Variants in CELF2 observed in about 807,000 individuals in gnomAD.
CELF2 encodes CUGBP Elav-like family member 2.
CELF2 carries 8 observed loss-of-function variants against 62.6 expected under a neutral mutation model. The ratio of observed to expected loss-of-function variants is 0.13; its 90% CI spans 0.07 to 0.23. The LOEUF (loss-of-function observed/expected upper bound fraction) is 0.23, where lower values mean the gene tolerates loss of function less well. Among genes scored for constraint, CELF2 ranks in the 10% least tolerant of loss-of-function variants. The pLI, the probability that CELF2 is intolerant of heterozygous loss-of-function variation, is 1.00. For synonymous variants in CELF2, 258 were observed against 250.0 expected, an observed-to-expected ratio of 1.03 and a Z score of -0.30; for missense variants, 333 against 671.0, an observed-to-expected ratio of 0.50 and a Z score of 5.56.
chr10:10,673,230 CCAAA>C, the CELF2 span, among the ~76,000 whole-genome samples: 1 of 152,036 alleles, frequency 6.6e-6, no homozygotes, highest in Admixed American at 6.6e-5. Flanking sequence ...CATGTAATGT[CCAAA>C]CAAATTTGTT....
At chr10:11,111,080 G>C (rs928102763) in intron 1 of CELF2, among the ~76,000 whole-genome samples, 1 of 152,140 alleles carries the variant, frequency 6.6e-6, no homozygotes, top group Admixed American at 6.5e-5. Flanking sequence ...TCTGAAGTGG[G>C]AGCTGTCATT....
At chr10:10,662,016 A>C in the CELF2 span, among the ~76,000 whole-genome samples, 2 of 152,038 alleles carry the variant, frequency 1.3e-5, no homozygotes, top group Non-Finnish European at 2.9e-5. Context: ...CTCTGGGATG[A>C]GGAGGCTCCT....
the CELF2 span, among the ~76,000 whole-genome samples, chr10:10,492,488 G>C: frequency 1.3e-5 from 2 of 152,032 alleles, no homozygotes; most frequent in African/African-American, 2.4e-5. Context: ...AGCTGCACTT[G>C]GAAAGCAGAC....
At chr10:10,873,214 C>A (rs939306331) in intron 1 of CELF2, among the ~76,000 whole-genome samples, 6 of 151,926 alleles carry the variant, frequency 3.9e-5, no homozygotes, top group African/African-American at 1.2e-4. Context: ...ATAAAAAATA[C>A]AAAATGTTAT....
intron 10 of CELF2, chr10:11,317,756 C>G (rs2095135847): frequency 6.6e-6 from 1 of 152,280 alleles, no homozygotes; most frequent in African/African-American, 2.4e-5. Flanking sequence ...GCTCCTGGGT[C>G]TCTATTGTAA....
chr10:10,905,621 G>A (rs111358573), intron 1 of CELF2, among the ~76,000 whole-genome samples: 1 of 151,330 alleles, frequency 6.6e-6, no homozygotes, highest in Non-Finnish European at 1.5e-5. Flanking sequence ...GCTCACGCCT[G>A]TAATCCCAGC....
Position 11,270,713 on chromosome 10 carries a change from C to A in CELF2, c.666C>A (p.Asp222Glu). The A allele has an allele frequency of 6.4e-7, 1 of 1,559,534 alleles. No homozygotes were observed. Among genetic ancestry groups the A allele is most frequent in the Non-Finnish European group, 8.7e-7 (1 of 1,149,290 alleles). ...IVVKFADTQKDKEQRRLQQQL... is the reference protein window; with the variant it reads ...IVVKFADTQKEKEQRRLQQQL... ...TGAAGTTTGCTGACACTCAGAAGGA[C>A]AAAGAGCAAAGGCGCCTCCAGCAGC... The change falls in exon 7 of 13, where the codon GAC becomes GAA. Residue 222 changes from aspartate (D) to glutamate (E), a missense_variant. Transcript: ENST00000633077. The surrounding 1 kb of genome is among the most constrained non-coding windows in gnomAD (Gnocchi z 5.8).
intron 1 of CELF2, among the ~76,000 whole-genome samples, chr10:10,803,185 A>G (rs1009961467): frequency 3.3e-5 from 5 of 152,050 alleles, no homozygotes; most frequent in Admixed American, 2.0e-4. Flanking sequence ...CTCTTAAACA[A>G]TTTTGCACAT....
intron 1 of CELF2, among the ~76,000 whole-genome samples, chr10:11,095,510 T>C (rs1170968963): frequency 6.6e-6 from 1 of 152,184 alleles, no homozygotes; most frequent in Non-Finnish European, 1.5e-5. Context: ...AAGAGATGTT[T>C]TTAAATCCAC....
the CELF2 span, among the ~76,000 whole-genome samples, chr10:10,700,609 A>G: frequency 3.3e-5 from 5 of 152,192 alleles, no homozygotes; most frequent in African/African-American, 1.2e-4. Flanking sequence ...TAGACTTCTC[A>G]AAGTAACCCT....
At chr10:11,032,146 C>CAAAAAAAAAAAAAAAAAAAAAA (rs56364371) in intron 1 of CELF2, among the ~76,000 whole-genome samples, 10 of 86,396 alleles carry the variant, frequency 1.2e-4, no homozygotes, top group Non-Finnish European at 1.5e-4. Context: ...AGGGCTTAGC[C>CAAAAAAAAAAAAAAAAAAAAAA]AAAAAAAAAA....
rs539105496 is a variant in CELF2 at position 10,835,867 on chromosome 10, C to T, written c.53+37050C>T. 3.3e-5 allele frequency among the ~76,000 whole-genome samples: 5 copies of T among 152,098 alleles called. No individual in the cohort carries two copies. In the South Asian group the frequency reaches 6.2e-4, roughly 19 times the overall value. On this transcript the variant is annotated intron_variant, in intron 1 of 13. Transcript: ENST00000636488. ...CAGAGCTGGACTGGATGGTGGGGTG[C>T]GGGGGCAGTGAGGCCAAGGGCAGAA...
At chr10:10,884,316 C>T (rs2061619296) in intron 1 of CELF2, among the ~76,000 whole-genome samples, 3 of 152,126 alleles carry the variant, frequency 2.0e-5, no homozygotes, top group East Asian at 3.8e-4. Flanking sequence ...GAAAGTAGAA[C>T]CTGTGCATAC....
chr10:10,790,978 A>G, the CELF2 span, among the ~76,000 whole-genome samples: 27,493 of 151,978 alleles, frequency 0.18, 2,748 homozygotes, highest in East Asian at 0.34. Flanking sequence ...TAGTTTCCTC[A>G]CCTATAAAAT....
At chr10:10,676,507 T>C in the CELF2 span, among the ~76,000 whole-genome samples, 321 of 152,248 alleles carry the variant, frequency 2.1e-3, 2 homozygotes, top group South Asian at 0.021. Context: ...ACCAAGAGAT[T>C]TTTCTCTTAC....
chr10:10,738,101 G>T, the CELF2 span, among the ~76,000 whole-genome samples: 2 of 152,024 alleles, frequency 1.3e-5, no homozygotes, highest in Non-Finnish European at 2.9e-5. Context: ...TGACACTACA[G>T]GTCAAATTCC....
intron 3 of CELF2, among the ~76,000 whole-genome samples, chr10:11,240,294 G>A (rs778699983): frequency 1.3e-5 from 2 of 152,194 alleles, no homozygotes; most frequent in Non-Finnish European, 2.9e-5. Flanking sequence ...ATGAATGATT[G>A]TTCACCCAAC....
intron 1 of CELF2, among the ~76,000 whole-genome samples, chr10:11,085,852 A>G (rs979156644): frequency 5.9e-5 from 9 of 151,992 alleles, no homozygotes; most frequent in Non-Finnish European, 1.3e-4. Context: ...CCAGAAATAC[A>G]TCGAGGATAG....
the CELF2 span, among the ~76,000 whole-genome samples, chr10:10,743,146 C>T: frequency 6.6e-6 from 1 of 152,178 alleles, no homozygotes; most frequent in Admixed American, 6.5e-5. Context: ...CCACTGCAGA[C>T]ACTCCTCTGA....
Sources: allele counts gnomAD v4.1 joint callset (sites outside exome capture counted in the v4.1 genomes callset), GRCh38; gene constraint gnomAD v4.1.1; non-coding constraint Gnocchi (gnomAD v3.1); transcripts MANE v1.5; gene names NCBI Gene and HGNC (gene_info 2026-07-23, HGNC 2026-07-21).